The following TTC27 variants were observed in gnomAD, a reference collection of about 807,000 sequenced individuals.
The protein encoded by TTC27 is tetratricopeptide repeat domain 27.
TTC27 carries 79 observed loss-of-function variants against 115.9 expected under a neutral mutation model. That is an observed-to-expected ratio of 0.68 (90% CI 0.57 to 0.82). The LOEUF is 0.82. TTC27 is among the 40% of genes least tolerant of loss of function. The pLI, the probability that TTC27 is intolerant of heterozygous loss-of-function variation, is 0.00. For missense variants in TTC27, 1,054 were observed against 993.1 expected (o/e 1.06, Z -0.82); for synonymous variants, 401 against 356.0 (o/e 1.13, Z -1.42).
chr2:32,663,673 TATGTATG>T (rs771691638), intron 5 of TTC27, among the ~76,000 whole-genome samples: 394 of 150,868 alleles, frequency 2.6e-3, no homozygotes, highest in Middle Eastern at 3.4e-3. Flanking sequence ...TGTATGTATG[TATGTATG>T]TATTTATTTA....
In TTC27 at chr2:32,817,464, A is replaced by C; in HGVS notation, c.2316A>C (p.Ile772=). The C allele has an allele frequency of 1.9e-6, 3 of 1,613,896 alleles. No homozygotes were observed. The highest frequency in any genetic ancestry group is 2.5e-6 in the Non-Finnish European group (3 of 1,179,828). The stretch of plus-strand genomic sequence containing the variant: ...TCCATACTTATCTTCCAGTGGCCAT[A>C]AAATGCAGTAAAAACAAATCCAGTT... ...QRALGLAHVA[I]KCSKNKSSSQ... Residue 772 remains isoleucine (I), a synonymous_variant, in exon 19 of 20, where the codon ATA becomes ATC. Coordinates refer to ENST00000317907, the MANE Select transcript of TTC27 (RefSeq NM_017735.5).
chr2:32,695,449 G>T (rs1201382579), intron 9 of TTC27, among the ~76,000 whole-genome samples: 1 of 151,692 alleles, frequency 6.6e-6, no homozygotes, highest in African/African-American at 2.4e-5. Context: ...GGCCAGGCAC[G>T]GTGGCTCACG....
At chr2:32,646,801 G>C (rs1664880806) in intron 4 of TTC27, among the ~76,000 whole-genome samples, 1 of 151,586 alleles carries the variant, frequency 6.6e-6, no homozygotes, top group Non-Finnish European at 1.5e-5. Context: ...CTGACCTTGT[G>C]ATCCGCCTGC....
chr2:32,722,252 T>C (rs1224724547), intron 10 of TTC27, among the ~76,000 whole-genome samples: 1 of 152,212 alleles, frequency 6.6e-6, no homozygotes, highest in African/African-American at 2.4e-5. Flanking sequence ...TATGAACATG[T>C]GTCTTTCATT....
intron 4 of TTC27, among the ~76,000 whole-genome samples, chr2:32,642,606 C>T (rs2568466): frequency 0.76 from 115,745 of 151,974 alleles, 44,424 homozygotes; most frequent in East Asian, 0.87. Context: ...CTATTTGCAA[C>T]TCTCATGAGA....
At chr2:32,675,954 T>A (rs746806482) in intron 8 of TTC27, among the ~76,000 whole-genome samples, 1 of 151,760 alleles carries the variant, frequency 6.6e-6, no homozygotes, top group Non-Finnish European at 1.5e-5. Flanking sequence ...ACCATGCTCA[T>A]CTAATTTTTG....
chr2:32,770,504 A>T (rs1669790337), intron 13 of TTC27, among the ~76,000 whole-genome samples: 1 of 152,242 alleles, frequency 6.6e-6, no homozygotes, highest in South Asian at 2.1e-4. Context: ...CCTGAATACC[A>T]GTCTGTCAGG....
chr2:32,815,042 A>G (rs114078396), intron 18 of TTC27, among the ~76,000 whole-genome samples: 1,880 of 152,146 alleles, frequency 0.012, 40 homozygotes, highest in African/African-American at 0.043. Flanking sequence ...TCCCTATAAC[A>G]ATGTCATCAT....
At chr2:32,680,337 A>G (rs1259654279) in intron 9 of TTC27, among the ~76,000 whole-genome samples, 3 of 152,376 alleles carry the variant, frequency 2.0e-5, no homozygotes, top group Non-Finnish European at 2.9e-5. Flanking sequence ...ACTAAATAAT[A>G]TATACGGGTA....
intron 9 of TTC27, among the ~76,000 whole-genome samples, chr2:32,680,343 G>A (rs1306489826): frequency 2.0e-5 from 3 of 152,018 alleles, no homozygotes; most frequent in Admixed American, 6.6e-5. Context: ...TAATATATAC[G>A]GGTATTGTAC....
chr2:32,710,843 G>A (rs1041684688), intron 10 of TTC27, among the ~76,000 whole-genome samples: 1 of 151,964 alleles, frequency 6.6e-6, no homozygotes, highest in East Asian at 1.9e-4. Context: ...GCTGGGAGCA[G>A]TTGCTCACAT....
chr2:32,748,212 A>C (rs765639482), intron 12 of TTC27, among the ~76,000 whole-genome samples: 1 of 151,848 alleles, frequency 6.6e-6, no homozygotes, highest in African/African-American at 2.4e-5. Flanking sequence ...CATTTCATTG[A>C]TTATTTAAGA....
chr2:32,664,386 T>C lies in TTC27; in HGVS notation c.724T>C (p.Leu242=). 6.2e-7 allele frequency: 1 copy of C among 1,612,738 alleles called. No homozygotes were observed. The highest frequency in any genetic ancestry group is 8.5e-7 in the Non-Finnish European group (1 of 1,179,466). The part of the protein sequence containing the change: ...QFHLECAYVF[L]YYYEYRKAKD... ...CCATCTGGAATGTGCATATGTGTTT[T>C]TATATTATTATGAGTACAGAAAAGC... Residue 242 remains leucine, a synonymous_variant, in exon 6 of 20, where the codon TTA becomes CTA. Coordinates refer to ENST00000317907, the MANE Select transcript of TTC27 (RefSeq NM_017735.5).
intron 9 of TTC27, among the ~76,000 whole-genome samples, chr2:32,691,794 G>A (rs1666821018): frequency 6.6e-6 from 1 of 151,788 alleles, no homozygotes. Flanking sequence ...TTACATACTT[G>A]TAAAAGTTTA....
rs1028945307 is a variant in TTC27, at chr2:32,651,926, C to T, written c.640+1693C>T. On this transcript the variant is annotated intron_variant, in intron 5 of 19. Transcript: ENST00000317907. ...CAGGACTTAGTTTATATTCTTTCAA[C>T]ATTTTTAGGTAACATAAGCCTGGGG... is the stretch of plus-strand genomic sequence containing the variant. 2.0e-5 allele frequency among the ~76,000 whole-genome samples: 3 copies of T among 152,086 alleles called. No individual in the cohort carries two copies. The East Asian group carries it at 5.8e-4, about 29-fold the overall frequency.
chr2:32,818,670 A>C (rs907239773), intron 19 of TTC27, among the ~76,000 whole-genome samples: 2 of 152,178 alleles, frequency 1.3e-5, no homozygotes, highest in Admixed American at 6.5e-5. Flanking sequence ...CTTCTAGCAC[A>C]ATTTAGCACT....
chr2:32,747,213 C>A (rs1225497905), intron 12 of TTC27, among the ~76,000 whole-genome samples: 5 of 152,080 alleles, frequency 3.3e-5, no homozygotes, highest in Non-Finnish European at 7.4e-5. Flanking sequence ...TCCTGAGTAC[C>A]CTAGCATTTC....
intron 12 of TTC27, among the ~76,000 whole-genome samples, chr2:32,743,956 C>T (rs905234458): frequency 1.3e-5 from 2 of 152,134 alleles, no homozygotes; most frequent in Non-Finnish European, 2.9e-5. Flanking sequence ...ACCATTAGCC[C>T]TTTGTGACTT....
rs758085945 is a variant in TTC27 at position 32,817,555 on chromosome 2, A to G, written c.2407A>G (p.Lys803Glu). The G allele has an allele frequency of 6.2e-7, 1 of 1,611,706 alleles. No homozygotes were observed. Among genetic ancestry groups the G allele is most frequent in the South Asian group, 1.1e-5 (1 of 91,022 alleles). ...LNLRGLLSKA[K>E]QLFTDVATGE... ...TTTACGGGGCTTGTTATCTAAAGCAAAGGTGAGAGTGACATGTGAATTAAT... is the reference window on the plus strand; with the variant it reads ...TTTACGGGGCTTGTTATCTAAAGCAGAGGTGAGAGTGACATGTGAATTAAT... Residue 803 changes from lysine to glutamate, a missense_variant and splice_region_variant, in exon 19 of 20, where the codon AAG (lysine) becomes GAG (glutamate). Transcript: ENST00000317907.
Sources: gnomAD v4.1 joint callset for allele counts (sites outside exome capture counted in the v4.1 genomes callset) on GRCh38, gnomAD v4.1.1 for gene constraint, MANE v1.5 for transcripts, NCBI Gene and HGNC (gene_info 2026-07-23, HGNC 2026-07-21) for gene names.